Variants in RC3H2 observed in about 807,000 individuals in gnomAD.
The protein encoded by RC3H2 is ring finger and CCCH-type domains 2.
A neutral mutation model predicts 133.3 loss-of-function variants in RC3H2; 31 were observed. The observed-to-expected ratio is 0.23, with a 90% CI of 0.17 to 0.31. RC3H2 has a LOEUF of 0.31. Ranked by LOEUF, RC3H2 falls within the 10% of genes least tolerant of loss-of-function variation. The probability of loss-of-function intolerance (pLI) is 1.00; values close to 1 mark genes in which losing one functional copy is unlikely to be tolerated. For missense variants in RC3H2, 1,175 were observed against 1,437.2 expected (o/e 0.82, Z 2.95); for synonymous variants, 517 against 502.2 (o/e 1.03, Z -0.40).
At chr9:122,852,169 AAT>A (rs1830052424) in intron 18 of RC3H2, among the ~76,000 whole-genome samples, 7 of 131,320 alleles carry the variant, frequency 5.3e-5, no homozygotes, top group Non-Finnish European at 8.0e-5. Context: ...GGATGTGAGG[AAT>A]GCCTCTGCCC....
At chr9:122,850,698 A>AATCCC (rs1829989276) in intron 20 of RC3H2, among the ~76,000 whole-genome samples, 1 of 152,066 alleles carries the variant, frequency 6.6e-6, no homozygotes, top group Non-Finnish European at 1.5e-5. Context: ...CAGCCTTCCA[A>AATCCC]AGTGCTGGGA....
At chr9:122,865,989 T>C (rs1029125353) in intron 9 of RC3H2, among the ~76,000 whole-genome samples, 1 of 152,168 alleles carries the variant, frequency 6.6e-6, no homozygotes, top group Non-Finnish European at 1.5e-5. Context: ...GAAAATTTTG[T>C]ATAACTAGAA....
intron 18 of RC3H2, chr9:122,851,671 AT>A (rs1830024999): frequency 2.8e-5 from 13 of 465,584 alleles, no homozygotes; most frequent in South Asian, 4.9e-5. Context: ...TGGTTTTCGT[AT>A]TTTTTTGGTG....
chr9:122,849,704 G>C lies in RC3H2; in HGVS notation c.3499C>G (p.Leu1167Val). The C allele has an allele frequency of 6.2e-7, 1 of 1,612,596 alleles. No individual in the cohort carries two copies. The highest frequency in any genetic ancestry group is 8.5e-7 in the Non-Finnish European group (1 of 1,179,414). Residue 1167 changes from leucine to valine, a missense_variant, in exon 21 of 21, where the codon CTG (leucine) becomes GTG (valine). By Grantham distance (32) the Leu-to-Val change is conservative. Coordinates refer to ENST00000357244, the MANE Select transcript of RC3H2 (RefSeq NM_001100588.3). ...TCTTCAGACATAACATGAGTTTTCAGAATGAGGTTGCCAGCACTGACAGAT... is the reference window on the plus strand; with the variant it reads ...TCTTCAGACATAACATGAGTTTTCACAATGAGGTTGCCAGCACTGACAGAT... Reference protein sequence around the residue: ...TTSVSAGNLILKTHVMSEDKN... With the variant: ...TTSVSAGNLIVKTHVMSEDKN...
intron 9 of RC3H2, chr9:122,873,930 G>C (rs192512789): frequency 6.6e-6 from 1 of 151,996 alleles, no homozygotes; most frequent in African/African-American, 2.4e-5. Context: ...CCATTCTCCC[G>C]CCTCAGCCTC....
In RC3H2 at chr9:122,890,376, A is replaced by G. The variant is rs1832112289; in HGVS notation, c.519T>C (p.Pro173=). Residue 173 remains proline, a synonymous_variant, in exon 4 of 21, where the codon CCT becomes CCC. Coordinates refer to ENST00000357244, the MANE Select transcript of RC3H2 (RefSeq NM_001100588.3). ...VTELILQHQN[P]QQLSANLWAA... ...CCCATAGATTGGCAGACAACTGCTG[A>G]GGGTTCTGGTGCTGTAATATCAGTT... 1 of 1,614,128 alleles carries G rather than the reference A, an allele frequency of 6.2e-7. No individual in the cohort carries two copies. The highest frequency in any genetic ancestry group is 1.1e-5 in the South Asian group (1 of 91,084).
intron 9 of RC3H2, among the ~76,000 whole-genome samples, chr9:122,866,552 G>C (rs1361013104): frequency 6.6e-6 from 1 of 152,006 alleles, no homozygotes; most frequent in Non-Finnish European, 1.5e-5. Context: ...TTGCAGGCGC[G>C]CGCCGCCACG....
At chr9:122,854,118 C>G in intron 17 of RC3H2, 32 bp from the exon 18 acceptor site, 1 of 1,612,086 alleles carries the variant, frequency 6.2e-7, no homozygotes. Flanking sequence ...GAAAAGTTAG[C>G]TTCCAACTAT....
intron 5 of RC3H2, among the ~76,000 whole-genome samples, chr9:122,882,009 C>T (rs781377048): frequency 1.3e-5 from 2 of 152,030 alleles, no homozygotes; most frequent in South Asian, 2.1e-4. Context: ...GGATGGCCTA[C>T]GCCCAGGAGT....
chr9:122,865,296 C>T, intron 10 of RC3H2, 53 bp downstream of exon 10: 2 of 1,442,986 alleles, frequency 1.4e-6, no homozygotes, highest in South Asian at 2.6e-5. Flanking sequence ...AACACTCAGG[C>T]ATTTCTAAAA....
chr9:122,861,218 C>T (rs369557113), intron 10 of RC3H2, among the ~76,000 whole-genome samples: 4 of 152,102 alleles, frequency 2.6e-5, no homozygotes, highest in African/African-American at 9.7e-5. Context: ...CGGCCGGGCA[C>T]GGTGGCTCAC....
intron 9 of RC3H2, among the ~76,000 whole-genome samples, chr9:122,867,705 G>A (rs1300822572): frequency 9.1e-6 from 1 of 110,492 alleles, no homozygotes; most frequent in Non-Finnish European, 2.0e-5. Flanking sequence ...GAGCGCCTCT[G>A]CCTGGCCGCG....
intron 6 of RC3H2, 27 bp downstream of exon 6, chr9:122,880,567 A>T (rs769622350): frequency 6.5e-7 from 1 of 1,541,424 alleles, no homozygotes; most frequent in South Asian, 1.1e-5. Context: ...GCAATGATAG[A>T]ACATCAGCAT....
intron 9 of RC3H2, among the ~76,000 whole-genome samples, chr9:122,866,406 C>T (rs1830665388): frequency 7.3e-6 from 1 of 137,466 alleles, no homozygotes; most frequent in South Asian, 2.5e-4. Flanking sequence ...TCTCCCTCTC[C>T]CCACGGTCTC....
intron 1 of RC3H2, among the ~76,000 whole-genome samples, chr9:122,903,772 T>C (rs887684045): frequency 3.3e-5 from 5 of 152,242 alleles, no homozygotes; most frequent in East Asian, 1.9e-4. Flanking sequence ...AATGTCAATA[T>C]TGAAAAGCAG....
At chr9:122,858,179 G>A in intron 12 of RC3H2, 86 bp from the exon 13 acceptor site, 2 of 1,246,080 alleles carry the variant, frequency 1.6e-6, no homozygotes, top group Admixed American at 2.3e-5. Context: ...AACAGTTTAT[G>A]ATATTGTTGG....
chr9:122,851,449 C>T lies in RC3H2; in HGVS notation c.3118-13G>A, dbSNP rs772410976. 3.1e-6 allele frequency: 5 copies of T among 1,613,006 alleles called. No homozygotes were observed. Among genetic ancestry groups the T allele is most frequent in the Non-Finnish European group, 4.2e-6 (5 of 1,179,500 alleles). ...AATCACTCTGTAACTAAGAAAAATA[C>T]TGATTTTGCTCTCCCTCTCCCTCTC... On this transcript the variant is annotated splice_polypyrimidine_tract_variant and intron_variant, in intron 18 of 20. Transcript: ENST00000357244.
At chr9:122,903,404 T>A (rs1832730643) in intron 1 of RC3H2, among the ~76,000 whole-genome samples, 1 of 152,266 alleles carries the variant, frequency 6.6e-6, no homozygotes, top group Non-Finnish European at 1.5e-5. Flanking sequence ...GAAGTTCAAC[T>A]TTTGAATATA....
Position 122,860,021 on chromosome 9 carries a change from AATGGGCTGG to A in RC3H2, c.1736_1744del (p.Ser579_Pro581del). On this transcript the variant is annotated inframe_deletion, in exon 11 of 21. Transcript: ENST00000357244. ...AGGATATACTGGTACTCTAGTTAGA[AATGGGCTGG>A]ATTTTTGAGGCACAGAATTCAGCTC... 6.2e-7 allele frequency: 1 copy of A among 1,614,108 alleles called. No individual in the cohort carries two copies. Among genetic ancestry groups the A allele is most frequent in the South Asian group, 1.1e-5 (1 of 91,076 alleles).
Sources: allele counts gnomAD v4.1 joint callset (sites outside exome capture counted in the v4.1 genomes callset), GRCh38; gene constraint gnomAD v4.1.1; transcripts MANE v1.5; gene names NCBI Gene and HGNC (gene_info 2026-07-23, HGNC 2026-07-21).